SCLT1: variants seen among roughly 807,000 people sequenced by gnomAD.
The protein encoded by SCLT1 is sodium channel and clathrin linker 1, also known as sodium channel-associated protein 1.
SCLT1 carries 78 observed loss-of-function variants against 112.8 expected under a neutral mutation model. That is an observed-to-expected ratio of 0.69 (90% CI 0.58 to 0.83). SCLT1 has a LOEUF of 0.83. SCLT1 is among the 40% of genes least tolerant of loss of function. The probability of loss-of-function intolerance (pLI) is 0.00; values close to 1 mark genes in which losing one functional copy is unlikely to be tolerated. For synonymous variants in SCLT1, 257 were observed against 254.7 expected (o/e 1.01, Z -0.09); for missense variants, 747 against 770.4 (o/e 0.97, Z 0.36).
intron 5 of SCLT1, among the ~76,000 whole-genome samples, chr4:129,024,261 C>T (rs1367167026): frequency 6.6e-6 from 1 of 152,284 alleles, no homozygotes; most frequent in Admixed American, 6.5e-5. Flanking sequence ...TGACCCCTGA[C>T]CCCTGACCCC....
intron 17 of SCLT1, among the ~76,000 whole-genome samples, chr4:128,942,108 T>C (rs922824181): frequency 2.0e-5 from 3 of 152,064 alleles, no homozygotes; most frequent in Non-Finnish European, 4.4e-5. Context: ...AGAACTCCCA[T>C]AGTCTAAAGG....
At chr4:129,090,772 T>A (rs1424473796) in intron 1 of SCLT1, among the ~76,000 whole-genome samples, 1 of 152,212 alleles carries the variant, frequency 6.6e-6, no homozygotes, top group South Asian at 2.1e-4. Context: ...AAAAACTAAC[T>A]GATCTTTCCC....
At chr4:128,954,786 A>T (rs1420246022) in intron 13 of SCLT1, among the ~76,000 whole-genome samples, 1 of 152,190 alleles carries the variant, frequency 6.6e-6, no homozygotes, top group African/African-American at 2.4e-5. Context: ...TAATTCTCAC[A>T]AAAATCCAAT....
At chr4:128,937,341 G>A (rs1286418691) in intron 17 of SCLT1, among the ~76,000 whole-genome samples, 2 of 151,284 alleles carry the variant, frequency 1.3e-5, no homozygotes, top group Non-Finnish European at 2.9e-5. Context: ...CATTACAAAC[G>A]AAAACTTATA....
intron 4 of SCLT1, chr4:129,039,987 A>T: frequency 1.8e-6 from 1 of 552,398 alleles, no homozygotes; most frequent in Non-Finnish European, 3.3e-6. Context: ...ACGGTAACTA[A>T]TTCATGATTG....
chr4:129,000,772 T>C (rs1204073403), intron 6 of SCLT1, among the ~76,000 whole-genome samples: 1 of 151,972 alleles, frequency 6.6e-6, no homozygotes, highest in Non-Finnish European at 1.5e-5. Flanking sequence ...GAACAAATTG[T>C]ACATTTTTAT....
At chr4:129,072,328 C>T (rs1751087001) in intron 2 of SCLT1, among the ~76,000 whole-genome samples, 1 of 152,114 alleles carries the variant, frequency 6.6e-6, no homozygotes, top group African/African-American at 2.4e-5. Flanking sequence ...GTTCTTTGTG[C>T]TTCTTGTATT....
rs868452589 is a variant in SCLT1 at position 129,077,642 on chromosome 4, G to A, written c.102+4664C>T. 3.3e-5 allele frequency among the ~76,000 whole-genome samples: 5 copies of A among 151,918 alleles called. No homozygotes were observed. In the South Asian group the frequency reaches 8.3e-4, roughly 25 times the overall value. On this transcript the variant is annotated intron_variant, in intron 2 of 20. Coordinates refer to ENST00000281142, the MANE Select transcript of SCLT1 (RefSeq NM_144643.4). ...TGGGAAACATGGCTAAACAAAAAGG[G>A]GAAACACAAATTTATAAAAGATTTC... is the stretch of plus-strand genomic sequence containing the variant.
intron 9 of SCLT1, among the ~76,000 whole-genome samples, chr4:128,973,443 G>A (rs1455391789): frequency 1.3e-5 from 2 of 150,132 alleles, no homozygotes; most frequent in East Asian, 3.9e-4. Context: ...GGAGAGGGGA[G>A]GGGAAGGAGT....
intron 16 of SCLT1, among the ~76,000 whole-genome samples, chr4:128,944,397 A>C (rs529635914): frequency 2.0e-5 from 3 of 152,190 alleles, no homozygotes; most frequent in South Asian, 2.1e-4. Context: ...ACAACAACAA[A>C]AAAAGAAAGC....
At chr4:129,060,760 A>G (rs774975972) in intron 2 of SCLT1, among the ~76,000 whole-genome samples, 10 of 152,180 alleles carry the variant, frequency 6.6e-5, no homozygotes, top group Non-Finnish European at 1.5e-4. Flanking sequence ...TGTTGTTCCC[A>G]GGTCTGACAT....
chr4:128,999,277 G>A lies in SCLT1; in HGVS notation c.549+395C>T, dbSNP rs1359512781. On this transcript the variant is annotated intron_variant, in intron 7 of 20. Transcript: ENST00000281142. ...GGGTATTAACATTTGATTTTACATA[G>A]TGTTTCCACTGTATTTGAGCAGGTT... Among the ~76,000 whole-genome samples the A allele has an allele frequency of 2.0e-5, 3 of 151,924 alleles. No individual in the cohort carries two copies. The South Asian group carries it at 6.2e-4, about 31-fold the overall frequency.
At chr4:129,025,821 C>T (rs1454463928) in intron 5 of SCLT1, among the ~76,000 whole-genome samples, 2 of 151,324 alleles carry the variant, frequency 1.3e-5, no homozygotes, top group Non-Finnish European at 3.0e-5. Context: ...CGTGCAGAGA[C>T]ACACATAGGC....
At chr4:128,912,873 T>C (rs1735209166) in intron 18 of SCLT1, among the ~76,000 whole-genome samples, 1 of 152,118 alleles carries the variant, frequency 6.6e-6, no homozygotes, top group Non-Finnish European at 1.5e-5. Context: ...AAAATCCTAG[T>C]GATATTTACT....
At chr4:128,899,226 G>C (rs973939794) in intron 18 of SCLT1, among the ~76,000 whole-genome samples, 2 of 152,132 alleles carry the variant, frequency 1.3e-5, no homozygotes, top group African/African-American at 4.8e-5. Flanking sequence ...AACAAAAAAA[G>C]AGAATTTTAG....
At chr4:128,886,592 A>G (rs551961184) in intron 20 of SCLT1, among the ~76,000 whole-genome samples, 2 of 152,334 alleles carry the variant, frequency 1.3e-5, no homozygotes, top group African/African-American at 4.8e-5. Context: ...GTAAGGGAAA[A>G]GTGCTGAATA....
chr4:128,921,338 G>A (rs949643542), intron 18 of SCLT1, among the ~76,000 whole-genome samples: 26 of 145,072 alleles, frequency 1.8e-4, no homozygotes, highest in Admixed American at 7.1e-4. Context: ...AAAAGAGATC[G>A]AATAGCCAAG....
chr4:129,003,596 T>C (rs1743723048), intron 6 of SCLT1, 145 bp downstream of exon 6: 2 of 619,342 alleles, frequency 3.2e-6, no homozygotes, highest in African/African-American at 3.8e-5. Flanking sequence ...TTACAAGTGT[T>C]GCTACCTGTA....
Position 129,039,143 on chromosome 4 carries a change from G to A in SCLT1, c.235-47C>T, listed in dbSNP as rs1395858440. ...TGGCAATACATTTTGCAGACAATCA[G>A]ATCTCCATTAAGTAGACCACTCACG... On this transcript the variant is annotated intron_variant, in intron 4 of 20. Transcript: ENST00000281142. 11 of 1,271,012 alleles carry A rather than the reference G, an allele frequency of 8.7e-6. 1 individual carries two copies. The highest frequency in any genetic ancestry group is 1.1e-5 in the Non-Finnish European group (10 of 870,336). The allele number at this position is 1,271,012 out of a possible 1,614,324, so 78.7% of individuals were successfully genotyped here.
Sources: gnomAD v4.1 joint callset for allele counts (sites outside exome capture counted in the v4.1 genomes callset) on GRCh38, gnomAD v4.1.1 for gene constraint, MANE v1.5 for transcripts, NCBI Gene and HGNC (gene_info 2026-07-23, HGNC 2026-07-21) for gene names.